Variants in CRYL1 observed in about 807,000 individuals in gnomAD.
The protein encoded by CRYL1 is crystallin lambda 1, also known as lambda-crystallin homolog.
Under a neutral mutation model 36.6 loss-of-function variants are expected in CRYL1, and 29 were observed. The ratio of observed to expected loss-of-function variants is 0.79; its 90% CI spans 0.59 to 1.08. The LOEUF is 1.08. Ranked by LOEUF, CRYL1 falls within the 50% of genes least tolerant of loss-of-function variation. The pLI, the probability that CRYL1 is intolerant of heterozygous loss-of-function variation, is 0.00. For synonymous variants in CRYL1, 152 were observed against 151.5 expected (o/e 1.00, Z -0.02); for missense variants, 411 against 407.9 (o/e 1.01, Z -0.06).
intron 3 of CRYL1, among the ~76,000 whole-genome samples, chr13:20,484,105 C>T (rs148174616): frequency 0.022 from 3,312 of 152,300 alleles, 160 homozygotes; most frequent in Admixed American, 0.12. Flanking sequence ...CGTGAGCCAC[C>T]GCGCCTGGCC....
chr13:20,441,374 T>C (rs1236219336), intron 3 of CRYL1, among the ~76,000 whole-genome samples: 1 of 152,146 alleles, frequency 6.6e-6, no homozygotes, highest in Non-Finnish European at 1.5e-5. Flanking sequence ...TGGGAACCAC[T>C]ATTCTGAGGT....
chr13:20,457,426 C>G (rs1323400246), intron 3 of CRYL1, among the ~76,000 whole-genome samples: 1 of 152,092 alleles, frequency 6.6e-6, no homozygotes, highest in Non-Finnish European at 1.5e-5. Flanking sequence ...CTGGCCACAC[C>G]CTAATAATTA....
At chr13:20,423,408 A>G (rs1350953371) in intron 5 of CRYL1, among the ~76,000 whole-genome samples, 3 of 152,196 alleles carry the variant, frequency 2.0e-5, no homozygotes, top group African/African-American at 7.2e-5. Flanking sequence ...TGTGTCACGT[A>G]TGACCTTTAT....
chr13:20,469,539 A>C (rs2033011285), intron 3 of CRYL1, among the ~76,000 whole-genome samples: 1 of 152,222 alleles, frequency 6.6e-6, no homozygotes, highest in Admixed American at 6.5e-5. Flanking sequence ...CATCACAGAA[A>C]GGCCAGAGGC....
chr13:20,489,637 A>C, intron 2 of CRYL1, 141 bp from the exon 3 acceptor site: 2 of 966,086 alleles, frequency 2.1e-6, no homozygotes, highest in Non-Finnish European at 3.0e-6. Context: ...GGGGCTACCA[A>C]AAATAGAAAC....
intron 3 of CRYL1, 37 bp downstream of exon 3, chr13:20,489,333 A>C: frequency 6.2e-7 from 1 of 1,609,734 alleles, no homozygotes; most frequent in Non-Finnish European, 8.5e-7. Flanking sequence ...ACAATGTCTC[A>C]GGCCCCACAG....
intron 1 of CRYL1, among the ~76,000 whole-genome samples, chr13:20,521,127 AAAGAAAGAAAG>A (rs1464275304): frequency 6.7e-5 from 2 of 29,932 alleles, no homozygotes; most frequent in African/African-American, 8.7e-5. Flanking sequence ...AAAAAAAAGG[AAAGAAAGAAAG>A]AAGGAAGAAA....
At chr13:20,466,682 C>CTGTGTGTGTGTGTGTGTGTGTGTGTGTG (rs57209647) in intron 3 of CRYL1, among the ~76,000 whole-genome samples, 64 of 129,580 alleles carry the variant, frequency 4.9e-4, no homozygotes, top group African/African-American at 1.6e-3. Context: ...TTGGAAAACT[C>CTGTGTGTGTGTGTGTGTGTGTGTGTGTG]TGTGTGTGTG....
chr13:20,404,862 C>T (rs1593422666), intron 6 of CRYL1, 121 bp from the exon 7 acceptor site: 1 of 706,824 alleles, frequency 1.4e-6, no homozygotes, highest in East Asian at 2.5e-5. Flanking sequence ...ACTCTTCCCT[C>T]CCTGTGAAGA....
chr13:20,416,073 G>A (rs1299883673), intron 5 of CRYL1, among the ~76,000 whole-genome samples: 4 of 152,166 alleles, frequency 2.6e-5, no homozygotes, highest in Non-Finnish European at 5.9e-5. Context: ...GCGGCGCCCC[G>A]GCCTCCAGAA....
intron 1 of CRYL1, among the ~76,000 whole-genome samples, chr13:20,517,068 G>A (rs963231397): frequency 1.3e-5 from 2 of 152,052 alleles, no homozygotes; most frequent in African/African-American, 4.8e-5. Context: ...GACAGAGCAA[G>A]ACCCTGTATA....
rs1009811017 is a variant in CRYL1 at position 20,420,700 on chromosome 13, G to T, written c.634-7313C>A. ...CCTTTGACTTTTCTTTAAAATAGAG[G>T]TTGTGTGTGTGTGTGTGTGTGTGTG... On this transcript the variant is annotated intron_variant, in intron 5 of 7. Transcript: ENST00000298248. Among the ~76,000 whole-genome samples the T allele has an allele frequency of 1.6e-4, 6 of 36,466 alleles. 2 individuals are homozygous for T. The highest frequency in any genetic ancestry group is 3.6e-4 in the Non-Finnish European group (5 of 13,966). The allele number at this position is 36,466 out of a possible 152,430, so 23.9% of individuals were successfully genotyped here.
chr13:20,404,389 T>C, intron 7 of CRYL1, 147 bp from the exon 8 acceptor site: 1 of 642,436 alleles, frequency 1.6e-6, no homozygotes, highest in South Asian at 1.9e-5. Context: ...GCTTTCCAAA[T>C]CTTGAAAGAC....
At position 20,404,690 on chromosome 13, in the gene CRYL1, T is replaced by C. The variant is rs370272058; in HGVS notation, c.791A>G (p.Gln264Arg). The C allele has an allele frequency of 3.3e-5, 53 of 1,614,022 alleles. No homozygotes were observed. The East Asian group carries it at 6.5e-4, about 20-fold the overall frequency. The change falls in exon 7 of 8, where the codon CAG becomes CGG. Residue 264 changes from glutamine to arginine, a missense_variant. Transcript: ENST00000298248. Reference protein sequence around the residue: ...RYSEGIKHVLQTFGPIPEFSR... With the variant: ...RYSEGIKHVLRTFGPIPEFSR... ...AAACTCTGGAATGGGTCCAAAAGTC[T>C]GTAGGACATGTTTTATGCCTTCGCT...
chr13:20,444,003 G>T (rs2032402283), intron 3 of CRYL1, among the ~76,000 whole-genome samples: 2 of 152,136 alleles, frequency 1.3e-5, no homozygotes, highest in Non-Finnish European at 2.9e-5. Flanking sequence ...GCTTTAATCT[G>T]CCTAATTAAC....
intron 2 of CRYL1, among the ~76,000 whole-genome samples, chr13:20,489,780 T>C (rs1282719012): frequency 6.6e-6 from 1 of 152,154 alleles, no homozygotes; most frequent in East Asian, 1.9e-4. Context: ...GATCCAGCAA[T>C]TCAACTTCTG....
chr13:20,404,770 A>T (rs769824555), intron 6 of CRYL1, 29 bp from the exon 7 acceptor site: 1 of 1,438,218 alleles, frequency 7.0e-7, no homozygotes, highest in Non-Finnish European at 9.8e-7. Context: ...AAGAATCCAC[A>T]ATCTCAGAAA....
intron 2 of CRYL1, among the ~76,000 whole-genome samples, chr13:20,490,551 T>C (rs2033489249): frequency 6.6e-6 from 1 of 152,010 alleles, no homozygotes; most frequent in South Asian, 2.1e-4. Flanking sequence ...ACAATGTAAA[T>C]ATACTTAATA....
intron 5 of CRYL1, chr13:20,431,629 G>A (rs988088983): frequency 9.5e-7 from 1 of 1,052,176 alleles, no homozygotes; most frequent in Non-Finnish European, 1.2e-6. Flanking sequence ...CTCTTTATAG[G>A]TAAGACAAGC....
Sources: allele counts gnomAD v4.1 joint callset (sites outside exome capture counted in the v4.1 genomes callset), GRCh38; gene constraint gnomAD v4.1.1; transcripts MANE v1.5; gene names NCBI Gene and HGNC (gene_info 2026-07-23, HGNC 2026-07-21).